Variants in SLC2A1 observed in about 807,000 individuals in gnomAD.
SLC2A1 encodes the protein solute carrier family 2, facilitated glucose transporter member 1.
Under a neutral mutation model 46.6 loss-of-function variants are expected in SLC2A1, and 4 were observed. That is an observed-to-expected ratio of 0.09 (90% CI 0.04 to 0.20). The LOEUF is 0.20. SLC2A1 is among the 10% of genes least tolerant of loss of function. The pLI is 1.00. For synonymous variants in SLC2A1, 253 were observed against 270.0 expected (o/e 0.94, Z 0.62); for missense variants, 352 against 667.0 (o/e 0.53, Z 5.20).
Position 42,954,401 on chromosome 1 carries a change from T to C in SLC2A1, c.18+4233A>G, listed in dbSNP as rs1289673423. Among the ~76,000 whole-genome samples, 5 of 152,136 alleles carry C rather than the reference T, an allele frequency of 3.3e-5. No individual in the cohort carries two copies. The East Asian group carries it at 9.6e-4, about 29-fold the overall frequency. ...TTAGCCGGGCATGGTGGCACATGCCTGTAATCCCAGCTACTCGGGAGGCTG... is the reference window on the plus strand; with the variant it reads ...TTAGCCGGGCATGGTGGCACATGCCCGTAATCCCAGCTACTCGGGAGGCTG... On this transcript the variant is annotated intron_variant, in intron 1 of 9. Transcript: ENST00000426263. This position sits in a 1 kb window ranked among gnomAD's most constrained non-coding sequence, Gnocchi z 4.2.
intron 1 of SLC2A1, among the ~76,000 whole-genome samples, chr1:42,948,181 T>C (rs1415416328): frequency 1.3e-5 from 2 of 151,916 alleles, no homozygotes; most frequent in Admixed American, 6.5e-5. Context: ...CAGGAAGCCA[T>C]GGATGAGGTG....
chr1:42,958,380 A>G lies in SLC2A1; in HGVS notation c.18+254T>C, dbSNP rs114530232. 0.14 allele frequency among the ~76,000 whole-genome samples: 21,695 copies of G among 150,586 alleles called. 1,778 individuals are homozygous for G. The highest frequency in any genetic ancestry group is 0.19 in the South Asian group (893 of 4,826). ...GGCGCGGCGCCCCCGGAAGGAGGCC[A>G]TGTGCTCAGTGCCGGCGCCAACTAC... On this transcript the variant is annotated intron_variant, in intron 1 of 9. Coordinates refer to ENST00000426263, the MANE Select transcript of SLC2A1 (RefSeq NM_006516.4).
At chr1:42,934,818 TC>T (rs1643526154) in intron 2 of SLC2A1, among the ~76,000 whole-genome samples, 1 of 152,008 alleles carries the variant, frequency 6.6e-6, no homozygotes, top group Admixed American at 6.6e-5. Flanking sequence ...CCACCCCACA[TC>T]CATCCATCAC....
At chr1:42,947,335 C>G (rs1403608315) in intron 1 of SLC2A1, among the ~76,000 whole-genome samples, 2 of 152,150 alleles carry the variant, frequency 1.3e-5, no homozygotes, top group Admixed American at 6.5e-5. Context: ...GGGGATGAGA[C>G]TACTTTCTAG....
intron 1 of SLC2A1, among the ~76,000 whole-genome samples, chr1:42,957,666 T>C (rs1570610294): frequency 6.6e-6 from 1 of 151,984 alleles, no homozygotes; most frequent in Admixed American, 6.5e-5. Context: ...CACAAACAAT[T>C]TGTTGAAAAG....
chr1:42,955,429 C>T (rs991671536), intron 1 of SLC2A1, among the ~76,000 whole-genome samples: 2 of 152,052 alleles, frequency 1.3e-5, no homozygotes, highest in East Asian at 1.9e-4. Flanking sequence ...GGCAACATGG[C>T]GAAACCCTGT....
In SLC2A1 at chr1:42,929,396, G is replaced by C. The variant is rs559722814; in HGVS notation, c.868-82C>G. The C allele has an allele frequency of 4.9e-6, 6 of 1,227,704 alleles. No individual in the cohort carries two copies. The African/African-American group carries it at 9.0e-5, about 18-fold the overall frequency. The allele number at this position is 1,227,704 out of a possible 1,614,324, so 76.1% of individuals were successfully genotyped here. A position where few individuals can be genotyped will look rare whatever the true frequency, so the allele number is the denominator to read the frequency against. On this transcript the variant is annotated intron_variant, in intron 6 of 9. Coordinates refer to ENST00000426263, the MANE Select transcript of SLC2A1 (RefSeq NM_006516.4). The surrounding 1 kb of genome is among the most constrained non-coding windows in gnomAD (Gnocchi z 6.0). ...TCTGTAGCAGTGGATGTGGGACCCAGGATGAGTAAAGAATGAAGGGGACAA... is the reference window on the plus strand; with the variant it reads ...TCTGTAGCAGTGGATGTGGGACCCACGATGAGTAAAGAATGAAGGGGACAA...
chr1:42,926,999 T>C lies in SLC2A1; in HGVS notation c.*42A>G. 2 of 1,606,568 alleles carry C rather than the reference T, an allele frequency of 1.2e-6. No individual in the cohort carries two copies. Among genetic ancestry groups the C allele is most frequent in the Non-Finnish European group, 1.7e-6 (2 of 1,174,752 alleles). On this transcript the variant is annotated 3_prime_UTR_variant, in exon 10 of 10. Coordinates refer to ENST00000426263, the MANE Select transcript of SLC2A1 (RefSeq NM_006516.4). ...GCTGCCTGTGCTCCTGAGAGATCCT[T>C]AGGGCTGCTGGGAGCAGGCCGGGCT...
intron 2 of SLC2A1, among the ~76,000 whole-genome samples, chr1:42,937,794 G>C (rs1643556660): frequency 6.6e-6 from 1 of 152,192 alleles, no homozygotes; most frequent in African/African-American, 2.4e-5. Context: ...GAGAGGACTA[G>C]AACTCTTTGG....
intron 2 of SLC2A1, among the ~76,000 whole-genome samples, chr1:42,937,599 T>C (rs1287409602): frequency 6.6e-6 from 1 of 152,234 alleles, no homozygotes; most frequent in Non-Finnish European, 1.5e-5. Context: ...CTGTGTGTCC[T>C]TGCTTTAATT....
At chr1:42,933,825 G>C (rs899672916) in intron 2 of SLC2A1, among the ~76,000 whole-genome samples, 3 of 152,136 alleles carry the variant, frequency 2.0e-5, no homozygotes, top group Non-Finnish European at 4.4e-5. Flanking sequence ...TGAGCAACCA[G>C]ACCTACAAGC....
chr1:42,934,305 G>A (rs1413141764), intron 2 of SLC2A1, among the ~76,000 whole-genome samples: 7 of 152,186 alleles, frequency 4.6e-5, no homozygotes, highest in Admixed American at 2.6e-4. Flanking sequence ...TGGAGGAAGG[G>A]TGAGCAGCCA....
In SLC2A1 at chr1:42,947,462, C is replaced by T. The variant is rs141533145; in HGVS notation, c.19-4141G>A. On this transcript the variant is annotated intron_variant, in intron 1 of 9. Transcript: ENST00000426263. ...TAAGAATAGAACCAGGGGCAGGACGCGGTGATCCCAGAACTTTGGGAGGCC... is the reference window on the plus strand; with the variant it reads ...TAAGAATAGAACCAGGGGCAGGACGTGGTGATCCCAGAACTTTGGGAGGCC... 3.7e-3 allele frequency among the ~76,000 whole-genome samples: 562 copies of T among 151,540 alleles called. 3 individuals carry two copies. Among genetic ancestry groups the T allele is most frequent in the African/African-American group, 0.013 (547 of 41,302 alleles).
At chr1:42,956,596 TAAATAAAAATAAAA>T (rs1295864899) in intron 1 of SLC2A1, among the ~76,000 whole-genome samples, 1 of 151,426 alleles carries the variant, frequency 6.6e-6, no homozygotes, top group Non-Finnish European at 1.5e-5. Flanking sequence ...AAAAAATAAA[TAAATAAAAATAAAA>T]AAATAAAAAT....
At position 42,927,898 on chromosome 1, in the gene SLC2A1, T is replaced by C; in HGVS notation, c.1075-90A>G. 9.9e-7 allele frequency: 1 copy of C among 1,013,664 alleles called. No individual in the cohort carries two copies. Among genetic ancestry groups the C allele is most frequent in the Non-Finnish European group, 1.5e-6 (1 of 664,362 alleles). 62.8% of individuals were successfully genotyped at this position (1,013,664 alleles called of 1,614,324 possible). ...GAAGCTACAGAGGCCAGAGCAGAGC[T>C]ATGCGAGAAGGCAGGAAGCCTGGGG... On this transcript the variant is annotated intron_variant, in intron 8 of 9. Coordinates refer to ENST00000426263, the MANE Select transcript of SLC2A1 (RefSeq NM_006516.4). This position sits in a 1 kb window ranked among gnomAD's most constrained non-coding sequence, Gnocchi z 5.3.
chr1:42,950,699 A>G (rs1247954920), intron 1 of SLC2A1, among the ~76,000 whole-genome samples: 1 of 152,184 alleles, frequency 6.6e-6, no homozygotes, highest in Non-Finnish European at 1.5e-5. Context: ...CTGGCTGGGC[A>G]TGGTGGCTCA....
intron 2 of SLC2A1, 153 bp downstream of exon 2, chr1:42,943,073 A>G (rs1364898700): frequency 1.5e-6 from 1 of 689,328 alleles, no homozygotes; most frequent in Non-Finnish European, 2.7e-6. Flanking sequence ...AGTCTCTGAC[A>G]TGATCAGGGC....
In SLC2A1 at chr1:42,926,926, C is replaced by A. The variant is rs1557644622; in HGVS notation, c.*115G>T. 2.0e-6 allele frequency: 3 copies of A among 1,535,022 alleles called. No homozygotes were observed. The highest frequency in any genetic ancestry group is 2.6e-5 in the South Asian group (2 of 78,368). ...ATCATTGCTGGCTGGAGAAAGGAGC[C>A]CCAGGCCCGGCTCGGCTGACATCTG... On this transcript the variant is annotated 3_prime_UTR_variant, in exon 10 of 10. Transcript: ENST00000426263.
rs768624037 is a variant in SLC2A1, at chr1:42,930,901, C to G, written c.276-35G>C. On this transcript the variant is annotated intron_variant, in intron 3 of 9. Coordinates refer to ENST00000426263, the MANE Select transcript of SLC2A1 (RefSeq NM_006516.4). The surrounding 1 kb of genome is among the most constrained non-coding windows in gnomAD (Gnocchi z 6.2). ...GGGTCACAGGTCAGGCCAGTGCCCA[C>G]ATTCCTTGGGCTCCGAGGGGCTGGG... The G allele has an allele frequency of 6.2e-7, 1 of 1,602,818 alleles. No individual in the cohort carries two copies. Among genetic ancestry groups the G allele is most frequent in the South Asian group, 1.1e-5 (1 of 91,068 alleles).
Sources: allele counts gnomAD v4.1 joint callset (sites outside exome capture counted in the v4.1 genomes callset), GRCh38; gene constraint gnomAD v4.1.1; non-coding constraint Gnocchi (gnomAD v3.1); transcripts MANE v1.5; gene names NCBI Gene and HGNC (gene_info 2026-07-23, HGNC 2026-07-21).